The following COL27A1 variants were observed in gnomAD, a reference collection of about 807,000 sequenced individuals.
COL27A1 encodes collagen alpha-1(XXVII) chain.
In COL27A1, 106 loss-of-function variants were observed where a neutral mutation model predicts 251.3. The ratio of observed to expected loss-of-function variants is 0.42; its 90% confidence interval spans 0.36 to 0.50. The LOEUF is 0.50. Among genes scored for constraint, COL27A1 ranks in the 20% least tolerant of loss-of-function variants. The pLI, the probability that COL27A1 is intolerant of heterozygous loss-of-function variation, is 0.00. For missense variants in COL27A1, 2,325 were observed against 2,522.8 expected, an observed-to-expected ratio of 0.92 and a Z score of 1.68; for synonymous variants, 1,000 against 986.3, an observed-to-expected ratio of 1.01 and a Z score of -0.26.
At chr9:114,279,783 G>T (rs909481174) in intron 37 of COL27A1, among the ~76,000 whole-genome samples, 13 of 152,122 alleles carry the variant, frequency 8.5e-5, no homozygotes, top group Admixed American at 4.6e-4. Flanking sequence ...AGTCCCAGAG[G>T]TTGAGGCTTC....
intron 6 of COL27A1, among the ~76,000 whole-genome samples, chr9:114,195,291 A>G (rs542524880): frequency 6.6e-6 from 1 of 152,256 alleles, no homozygotes; most frequent in East Asian, 1.9e-4. Flanking sequence ...CCTCACTGCT[A>G]GGTGTTTGCA....
chr9:114,182,169 T>A (rs1827968679), intron 4 of COL27A1, among the ~76,000 whole-genome samples: 1 of 106,106 alleles, frequency 9.4e-6, no homozygotes, highest in African/African-American at 3.4e-5. Context: ...CAAGACTCCA[T>A]CTCTATAAAA....
At chr9:114,300,414 C>A in intron 50 of COL27A1, 1 of 581,872 alleles carries the variant, frequency 1.7e-6, no homozygotes, top group African/African-American at 1.9e-5. Flanking sequence ...AAAATAAAGA[C>A]CAGGGGCATA....
At chr9:114,288,651 G>T in intron 42 of COL27A1, 51 bp from the exon 43 acceptor site, 1 of 1,583,984 alleles carries the variant, frequency 6.3e-7, no homozygotes, top group East Asian at 2.3e-5. Flanking sequence ...CCCAGGGCTG[G>T]CATCCTTGGC....
Position 114,240,428 on chromosome 9 carries a change from C to G in COL27A1, c.2782-6C>G, listed in dbSNP as rs774771835. 2.5e-6 allele frequency: 4 copies of G among 1,613,514 alleles called. No individual in the cohort carries two copies. Among genetic ancestry groups the G allele is most frequent in the Non-Finnish European group, 3.4e-6 (4 of 1,179,856 alleles). On this transcript the variant is annotated splice_region_variant and splice_polypyrimidine_tract_variant and intron_variant, in intron 20 of 60. Transcript: ENST00000356083. ...TGAGACTCCCTTTTTGTTCCCTTCTCCCCAGGGTAAGCCTGGAGCCCGAGG... is the reference window on the plus strand; with the variant it reads ...TGAGACTCCCTTTTTGTTCCCTTCTGCCCAGGGTAAGCCTGGAGCCCGAGG...
chr9:114,231,702 G>A lies in COL27A1; in HGVS notation c.2521-120G>A, dbSNP rs1005812721. The A allele has an allele frequency of 8.5e-5, 82 of 969,046 alleles. No homozygotes were observed. The Admixed American group carries it at 1.4e-3, about 17-fold the overall frequency. The allele number at this position is 969,046 out of a possible 1,614,324, so 60.0% of individuals were successfully genotyped here. Reference sequence around the variant, plus strand: ...GAGTCATTTGCCCCCTTTTACAGATGTGAACACTGAGGTTGGGGGATCTAG... The same window carrying A: ...GAGTCATTTGCCCCCTTTTACAGATATGAACACTGAGGTTGGGGGATCTAG... On this transcript the variant is annotated intron_variant, in intron 15 of 60. Coordinates refer to ENST00000356083, the MANE Select transcript of COL27A1 (RefSeq NM_032888.4).
chr9:114,238,960 A>G (rs1832576651), intron 19 of COL27A1, among the ~76,000 whole-genome samples: 1 of 152,228 alleles, frequency 6.6e-6, no homozygotes. Flanking sequence ...ATGTAGGAAC[A>G]AATAAGGTCT....
intron 2 of COL27A1, 74 bp downstream of exon 2, chr9:114,162,859 A>G (rs1848596705): frequency 1.9e-6 from 2 of 1,058,470 alleles, no homozygotes; most frequent in East Asian, 2.4e-5. Flanking sequence ...GGGGTAGGAG[A>G]CAGCCGTGCC....
intron 3 of COL27A1, 66 bp from the exon 4 acceptor site, chr9:114,178,225 C>A: frequency 7.3e-7 from 1 of 1,366,606 alleles, no homozygotes; most frequent in Non-Finnish European, 1.0e-6. Context: ...TGTTGAATGA[C>A]TGCTTGAGCC....
At chr9:114,291,027 G>T in intron 48 of COL27A1, 110 bp downstream of exon 48, 1 of 718,848 alleles carries the variant, frequency 1.4e-6, no homozygotes, top group South Asian at 2.0e-5. Flanking sequence ...GTGTGAAAAT[G>T]GAGTCCACAT....
chr9:114,182,967 A>G, intron 4 of COL27A1, 55 bp from the exon 5 acceptor site: 1 of 1,491,388 alleles, frequency 6.7e-7, no homozygotes, highest in Non-Finnish European at 9.3e-7. Context: ...GTCAGAGGCG[A>G]GATGGCCCCT....
chr9:114,307,561 G>A (rs1829143721), intron 58 of COL27A1, 108 bp from the exon 59 acceptor site: 5 of 772,278 alleles, frequency 6.5e-6, no homozygotes, highest in Non-Finnish European at 1.1e-5. Flanking sequence ...CTGACTTCAT[G>A]CTCACCTGGG....
At chr9:114,308,808 C>T (rs1204410216) in intron 59 of COL27A1, among the ~76,000 whole-genome samples, 1 of 152,204 alleles carries the variant, frequency 6.6e-6, no homozygotes, top group Non-Finnish European at 1.5e-5. Flanking sequence ...GTTGTTTGCT[C>T]TCAGGTCTGC....
chr9:114,303,879 G>T (rs539454029), intron 56 of COL27A1, among the ~76,000 whole-genome samples: 1 of 152,196 alleles, frequency 6.6e-6, no homozygotes, highest in Non-Finnish European at 1.5e-5. Context: ...ATAGAGAAAG[G>T]GGGCCTCCCT....
At chr9:114,244,805 T>A (rs1186165041) in intron 23 of COL27A1, among the ~76,000 whole-genome samples, 1 of 152,186 alleles carries the variant, frequency 6.6e-6, no homozygotes, top group Non-Finnish European at 1.5e-5. Flanking sequence ...GTTGGGTTTC[T>A]GTGGTGGGAG....
chr9:114,175,620 T>C (rs1827379871), intron 3 of COL27A1, among the ~76,000 whole-genome samples: 2 of 152,162 alleles, frequency 1.3e-5, no homozygotes, highest in Non-Finnish European at 2.9e-5. Flanking sequence ...GGACCCTGGG[T>C]CCTGAGTGGC....
intron 37 of COL27A1, among the ~76,000 whole-genome samples, chr9:114,276,475 C>T (rs372912911): frequency 2.0e-5 from 3 of 152,186 alleles, no homozygotes; most frequent in South Asian, 4.1e-4. Context: ...CATGGTGGCG[C>T]ATGCCTATAG....
At position 114,302,065 on chromosome 9, in the gene COL27A1, G is replaced by A. The variant is rs1546048; in HGVS notation, c.4846-17G>A. 596,005 of 1,602,522 alleles carry A rather than the reference G, an allele frequency of 0.37. 116,677 individuals carry two copies. Among genetic ancestry groups the A allele is most frequent in the East Asian group, 0.68 (30,239 of 44,780 alleles). On this transcript the variant is annotated splice_polypyrimidine_tract_variant and intron_variant, in intron 55 of 60. Transcript: ENST00000356083. ...ACTGTCCCTGTCATTTGACTGACCC[G>A]CAGTCTTCTTTTGCAGGGTCCTCCA...
chr9:114,260,140 G>A (rs535033240), intron 28 of COL27A1, among the ~76,000 whole-genome samples: 55 of 152,296 alleles, frequency 3.6e-4, no homozygotes, highest in Admixed American at 2.8e-3. Context: ...TGCCTCAGGC[G>A]CGGGGCTCAG....
Sources: gnomAD v4.1 joint callset for allele counts (sites outside exome capture counted in the v4.1 genomes callset) on GRCh38, gnomAD v4.1.1 for gene constraint, MANE v1.5 for transcripts, NCBI Gene and HGNC (gene_info 2026-07-23, HGNC 2026-07-21) for gene names.